ULK4: variants seen among roughly 807,000 people sequenced by gnomAD.
ULK4 encodes inactive serine/threonine-protein kinase ULK4.
Under a neutral mutation model 160.6 loss-of-function variants are expected in ULK4, and 133 were observed. The ratio of observed to expected loss-of-function variants is 0.83; its 90% CI spans 0.72 to 0.96. The LOEUF (loss-of-function observed/expected upper bound fraction) is 0.96. ULK4 is among the 40% of genes least tolerant of loss of function. The pLI, the probability that ULK4 is intolerant of heterozygous loss-of-function variation, is 0.00. For missense variants in ULK4, 1,580 were observed against 1,499.5 expected (o/e 1.05, Z -0.89); for synonymous variants, 534 against 539.8 (o/e 0.99, Z 0.15).
intron 35 of ULK4, among the ~76,000 whole-genome samples, chr3:41,388,201 A>G (rs769208763): frequency 3.9e-5 from 6 of 152,070 alleles, no homozygotes; most frequent in South Asian, 4.2e-4. Flanking sequence ...CATATCCTTC[A>G]CCCACTTGTT....
intron 27 of ULK4, among the ~76,000 whole-genome samples, chr3:41,687,437 T>C (rs567972565): frequency 4.6e-5 from 7 of 152,180 alleles, no homozygotes; most frequent in African/African-American, 1.7e-4. Context: ...ATTCTGAGAA[T>C]GCATCAATAG....
chr3:41,928,378 A>C (rs906228291), intron 5 of ULK4, among the ~76,000 whole-genome samples: 1 of 152,186 alleles, frequency 6.6e-6, no homozygotes, highest in African/African-American at 2.4e-5. Context: ...TACAGCACTA[A>C]ATGCCCACAA....
intron 21 of ULK4, among the ~76,000 whole-genome samples, chr3:41,758,114 C>A (rs1056343955): frequency 2.0e-5 from 3 of 152,086 alleles, no homozygotes; most frequent in Non-Finnish European, 2.9e-5. Flanking sequence ...TTTATTTACC[C>A]CTTCCAACAT....
At chr3:41,269,621 T>C (rs148649115) in intron 35 of ULK4, among the ~76,000 whole-genome samples, 2 of 152,350 alleles carry the variant, frequency 1.3e-5, no homozygotes, top group African/African-American at 4.8e-5. Flanking sequence ...AAAGTTGTTT[T>C]AATGAAATAC....
intron 34 of ULK4, among the ~76,000 whole-genome samples, chr3:41,445,073 C>A (rs539030270): frequency 1.3e-4 from 20 of 152,252 alleles, no homozygotes; most frequent in South Asian, 2.1e-4. Context: ...TTCTTATACA[C>A]CAATAACAGA....
chr3:41,841,135 G>A (rs1247235513), intron 17 of ULK4, among the ~76,000 whole-genome samples: 10 of 144,696 alleles, frequency 6.9e-5, no homozygotes, highest in Non-Finnish European at 1.4e-4. Context: ...GCCTCTGCTC[G>A]GCCGCCACCC....
intron 35 of ULK4, among the ~76,000 whole-genome samples, chr3:41,387,756 C>A (rs1173423404): frequency 6.6e-6 from 1 of 152,174 alleles, no homozygotes; most frequent in African/African-American, 2.4e-5. Context: ...GCCACATTTT[C>A]TTAATCCAGT....
At chr3:41,710,666 C>T (rs1281194288) in intron 25 of ULK4, among the ~76,000 whole-genome samples, 1 of 151,738 alleles carries the variant, frequency 6.6e-6, no homozygotes, top group Admixed American at 6.6e-5. Flanking sequence ...TGGTGGCACA[C>T]GCCTGTAATC....
chr3:41,375,010 T>C (rs2081453079), intron 35 of ULK4, among the ~76,000 whole-genome samples: 1 of 152,070 alleles, frequency 6.6e-6, no homozygotes, highest in Non-Finnish European at 1.5e-5. Flanking sequence ...GAGAGCCAAA[T>C]CATGAGCATA....
At chr3:41,431,091 G>A (rs1250156161) in intron 34 of ULK4, among the ~76,000 whole-genome samples, 1 of 152,106 alleles carries the variant, frequency 6.6e-6, no homozygotes, top group Non-Finnish European at 1.5e-5. Context: ...GGCGCACGCT[G>A]GTAATCCTAG....
At chr3:41,949,316 A>G (rs1353707882) in intron 2 of ULK4, among the ~76,000 whole-genome samples, 1 of 94,528 alleles carries the variant, frequency 1.1e-5, no homozygotes, top group African/African-American at 4.7e-5. Flanking sequence ...ACACACACAG[A>G]CACACACACA....
intron 35 of ULK4, among the ~76,000 whole-genome samples, chr3:41,257,920 T>A (rs973828789): frequency 6.6e-6 from 1 of 152,170 alleles, no homozygotes; most frequent in Non-Finnish European, 1.5e-5. Flanking sequence ...TCTGAGTAAT[T>A]TTTGAAACAA....
intron 18 of ULK4, among the ~76,000 whole-genome samples, chr3:41,829,959 T>C (rs1575786146): frequency 1.3e-5 from 2 of 151,940 alleles, no homozygotes; most frequent in East Asian, 1.9e-4. Flanking sequence ...TGGAATACTA[T>C]GCAGCCATAA....
intron 30 of ULK4, among the ~76,000 whole-genome samples, chr3:41,657,818 T>TAAAAAAAATAAAAAAAA (rs2034996522): frequency 1.0e-5 from 1 of 99,760 alleles, no homozygotes. Context: ...TCCATCTCAT[T>TAAAAAAAATAAAAAAAA]AAAAAAAAAA....
intron 32 of ULK4, among the ~76,000 whole-genome samples, chr3:41,531,705 T>A (rs1026958681): frequency 1.3e-5 from 2 of 152,096 alleles, no homozygotes; most frequent in African/African-American, 4.8e-5. Context: ...AAACAACAAA[T>A]ATTGTTTAAG....
chr3:41,791,453 A>G (rs1486512669), intron 20 of ULK4, among the ~76,000 whole-genome samples: 1 of 152,220 alleles, frequency 6.6e-6, no homozygotes, highest in Non-Finnish European at 1.5e-5. Context: ...AAATGCTAAG[A>G]TGACTTTATT....
At chr3:41,640,684 G>A (rs1420935818) in intron 30 of ULK4, among the ~76,000 whole-genome samples, 1 of 152,138 alleles carries the variant, frequency 6.6e-6, no homozygotes, top group East Asian at 1.9e-4. Context: ...AAGGCATAGT[G>A]TACCTGAGAC....
intron 31 of ULK4, among the ~76,000 whole-genome samples, chr3:41,613,591 G>C (rs1293316969): frequency 6.6e-6 from 1 of 151,922 alleles, no homozygotes; most frequent in Non-Finnish European, 1.5e-5. Flanking sequence ...AATTTTAAAA[G>C]GATAAGTAAT....
At chr3:41,479,135 G>A (rs958514192) in intron 32 of ULK4, among the ~76,000 whole-genome samples, 1 of 152,106 alleles carries the variant, frequency 6.6e-6, no homozygotes, top group African/African-American at 2.4e-5. Context: ...GAATTATAAG[G>A]GATTTTTGCA....
Sources: allele counts gnomAD v4.1 joint callset (sites outside exome capture counted in the v4.1 genomes callset), GRCh38; gene constraint gnomAD v4.1.1; transcripts MANE v1.5; gene names NCBI Gene and HGNC (gene_info 2026-07-23, HGNC 2026-07-21).